The following TNRC18 variants were observed in gnomAD, a reference collection of about 807,000 sequenced individuals.
The protein encoded by TNRC18 is trinucleotide repeat-containing gene 18 protein.
A neutral mutation model predicts 226.7 loss-of-function variants in TNRC18; 69 were observed. The ratio of observed to expected loss-of-function variants is 0.30; its 90% CI spans 0.25 to 0.37. The LOEUF (loss-of-function observed/expected upper bound fraction) is 0.37, where lower values mean the gene tolerates loss of function less well. Among genes scored for constraint, TNRC18 ranks in the 10% least tolerant of loss-of-function variants. The pLI, the probability that TNRC18 is intolerant of heterozygous loss-of-function variation, is 1.00. For missense variants in TNRC18, 4,754 were observed against 4,256.6 expected (o/e 1.12, Z -3.25); for synonymous variants, 2,449 against 1,927.6 (o/e 1.27, Z -7.09).
chr7:5,395,293 G>A (rs1417947736), intron 2 of TNRC18, among the ~76,000 whole-genome samples: 3 of 152,124 alleles, frequency 2.0e-5, no homozygotes, highest in African/African-American at 4.8e-5. Flanking sequence ...CGTGGGGGCC[G>A]CTAAGGGAGC....
intron 17 of TNRC18, among the ~76,000 whole-genome samples, chr7:5,348,840 C>T (rs1791484233): frequency 6.6e-6 from 1 of 152,240 alleles, no homozygotes; most frequent in East Asian, 1.9e-4. Flanking sequence ...ATGGCTCTGT[C>T]TCCGCCCCAG....
intron 16 of TNRC18, among the ~76,000 whole-genome samples, chr7:5,354,277 C>G (rs772167174): frequency 9.9e-5 from 15 of 151,896 alleles, no homozygotes; most frequent in Non-Finnish European, 1.9e-4. Context: ...CAAGAGTGAA[C>G]ACACCAGCTC....
chr7:5,411,873 G>A (rs907073906), intron 2 of TNRC18, among the ~76,000 whole-genome samples: 1 of 151,940 alleles, frequency 6.6e-6, no homozygotes, highest in Admixed American at 6.6e-5. Context: ...TATGACAAGT[G>A]AAAAAAATGC....
Position 5,370,813 on chromosome 7 carries a change from G to T in TNRC18, c.3781C>A (p.Pro1261Thr). The T allele has an allele frequency of 1.2e-6, 2 of 1,608,422 alleles. No individual in the cohort carries two copies. Among genetic ancestry groups the T allele is most frequent in the Non-Finnish European group, 1.7e-6 (2 of 1,178,896 alleles). ...GGCACCGCCACAGGCACCTCCACCG[G>T]CTCCTCCTTGGCCTCCACCAGTGTC... ...PETLVEAKEE[P>T]VEVPVAVPVV... Residue 1261 changes from proline to threonine, a missense_variant, in exon 11 of 30, where the codon CCG (proline) becomes ACG (threonine). By Grantham distance (38) the Pro-to-Thr change is conservative. Transcript: ENST00000430969.
chr7:5,341,282 G>GA (rs1554278482), intron 18 of TNRC18, among the ~76,000 whole-genome samples: 1 of 151,546 alleles, frequency 6.6e-6, no homozygotes, highest in Non-Finnish European at 1.5e-5. Context: ...AGCCAGGCAT[G>GA]GTGGCGGGCA....
In TNRC18 at chr7:5,315,107, G is replaced by A. The variant is rs1263237503; in HGVS notation, c.6904C>T (p.Arg2302Cys). ...SPALLVPSAK[R>C]RSRKTSKDTG... ...TCTTTGCTGGTCTTCCGGCTGCGGC[G>A]CTTGGCACTTGGCACCAGAAGGGCC... Residue 2302 changes from arginine (R) to cysteine (C), a missense_variant, in exon 26 of 30, where the codon CGC becomes TGC. By Grantham distance (180) the Arg-to-Cys change is radical. Transcript: ENST00000430969. 1.6e-5 allele frequency: 26 copies of A among 1,612,912 alleles called. No individual in the cohort carries two copies. The highest frequency in any genetic ancestry group is 5.5e-5 in the South Asian group (5 of 90,932).
At chr7:5,346,819 C>A (rs1791243104) in intron 17 of TNRC18, among the ~76,000 whole-genome samples, 1 of 152,222 alleles carries the variant, frequency 6.6e-6, no homozygotes, top group Non-Finnish European at 1.5e-5. Context: ...GAATCATTTG[C>A]ATGGAGGAGA....
chr7:5,320,581 C>T lies in TNRC18; in HGVS notation c.6587G>A (p.Arg2196Gln). ...ACAGTAGATGTGGGGCCGGTTGCCC[C>T]GCTCACCCTCCACCACCACGCGGTA... ...DIYRVVVEGE[R>Q]GNRPHIYCLE... The change falls in exon 23 of 30, where the codon CGG becomes CAG. Residue 2196 changes from arginine to glutamine, a missense_variant. Transcript: ENST00000430969. 6.2e-7 allele frequency: 1 copy of T among 1,611,578 alleles called. No homozygotes were observed. Among genetic ancestry groups the T allele is most frequent in the Non-Finnish European group, 8.5e-7 (1 of 1,179,658 alleles).
intron 11 of TNRC18, among the ~76,000 whole-genome samples, chr7:5,366,543 C>A (rs1179330754): frequency 6.6e-6 from 1 of 151,964 alleles, no homozygotes; most frequent in Non-Finnish European, 1.5e-5. Flanking sequence ...AGGCTGGTCT[C>A]AAATTCCTGA....
chr7:5,370,564 C>A lies in TNRC18; in HGVS notation c.4030G>T (p.Ala1344Ser), dbSNP rs760164849. The change falls in exon 11 of 30, where the codon GCC becomes TCC. Residue 1344 changes from alanine (A) to serine (S), a missense_variant. Ala to Ser is a moderately conservative substitution (Grantham distance 99). Transcript: ENST00000430969. ...GGCAGCTCCGCAGCTGCCGCCAGGG[C>A]GTTCATGCCAGCCAGTGGGTCCTCC... ...SLEDPLAGMN[A>S]LAAAAELPQA... The A allele has an allele frequency of 6.2e-6, 10 of 1,611,494 alleles. No homozygotes were observed. The highest frequency in any genetic ancestry group is 8.5e-6 in the Non-Finnish European group (10 of 1,179,030).
intron 2 of TNRC18, among the ~76,000 whole-genome samples, chr7:5,400,513 T>C (rs1224703871): frequency 2.6e-5 from 4 of 151,970 alleles, no homozygotes; most frequent in African/African-American, 9.7e-5. Context: ...GGGAGGTTTT[T>C]AGGAAGGAGA....
rs938274193 is a variant in TNRC18, at chr7:5,394,022, T to C, written c.343+418A>G. On this transcript the variant is annotated intron_variant, in intron 3 of 29. Coordinates refer to ENST00000430969, the MANE Select transcript of TNRC18 (RefSeq NM_001080495.3). The surrounding 1 kb of genome is among the most constrained non-coding windows in gnomAD (Gnocchi z 4.5). Reference sequence around the variant, plus strand: ...CATGCCCGGCCTGCTCCTGTAATTATTAATGAGCCTACTGTGTACCAGGGA... The same window carrying C: ...CATGCCCGGCCTGCTCCTGTAATTACTAATGAGCCTACTGTGTACCAGGGA... Among the ~76,000 whole-genome samples the C allele has an allele frequency of 6.6e-6, 1 of 152,134 alleles. No individual in the cohort carries two copies. Among genetic ancestry groups the C allele is most frequent in the Admixed American group, 6.6e-5 (1 of 15,256 alleles).
intron 21 of TNRC18, among the ~76,000 whole-genome samples, chr7:5,323,102 G>A (rs1453838413): frequency 6.6e-6 from 1 of 152,184 alleles, no homozygotes; most frequent in Non-Finnish European, 1.5e-5. Flanking sequence ...CCACCCAGCA[G>A]CCCTACATGC....
At chr7:5,378,778 G>A (rs953265913) in intron 5 of TNRC18, among the ~76,000 whole-genome samples, 1 of 152,048 alleles carries the variant, frequency 6.6e-6, no homozygotes, top group Admixed American at 6.6e-5. Flanking sequence ...TGAGGACAGG[G>A]CAGAGTCCAA....
chr7:5,402,044 T>C (rs1366001153), intron 2 of TNRC18, among the ~76,000 whole-genome samples: 1 of 151,798 alleles, frequency 6.6e-6, no homozygotes, highest in Non-Finnish European at 1.5e-5. Flanking sequence ...CTGGGCGTGG[T>C]GGCGGGCCCC....
intron 5 of TNRC18, among the ~76,000 whole-genome samples, chr7:5,378,361 T>C (rs1052199190): frequency 1.8e-4 from 28 of 152,280 alleles, no homozygotes; most frequent in African/African-American, 6.7e-4. Flanking sequence ...CACATAACAA[T>C]GAAACGTGAG....
intron 22 of TNRC18, 79 bp downstream of exon 22, chr7:5,320,994 C>G: frequency 9.7e-7 from 1 of 1,027,470 alleles, no homozygotes. Flanking sequence ...AAAGGAGAAG[C>G]AGCCAGGCAC....
chr7:5,374,396 A>G lies in TNRC18; in HGVS notation c.2888T>C (p.Leu963Pro), dbSNP rs777150663. ...RGLEAAGKAG[L>P]ATAGPGLLPR... ...CAGCAGCCCGGGGCCGGCGGTGGCC[A>G]GGCCAGCCTTGCCCGCAGCCTCCAG... Residue 963 changes from leucine to proline, a missense_variant, in exon 10 of 30, where the codon CTG (leucine) becomes CCG (proline). Coordinates refer to ENST00000430969, the MANE Select transcript of TNRC18 (RefSeq NM_001080495.3). The G allele has an allele frequency of 4.6e-6, 7 of 1,522,506 alleles. No individual in the cohort carries two copies. The South Asian group carries it at 8.5e-5, about 18-fold the overall frequency. The allele number at this position is 1,522,506 out of a possible 1,614,324, so 94.3% of individuals were successfully genotyped here.
Position 5,308,892 on chromosome 7 carries a change from T to C in TNRC18, c.8683A>G (p.Arg2895Gly). The C allele has an allele frequency of 7.5e-7, 1 of 1,334,934 alleles. No homozygotes were observed. The highest frequency in any genetic ancestry group is 1.2e-5 in the South Asian group (1 of 85,494). 82.7% of individuals were successfully genotyped at this position (1,334,934 alleles called of 1,614,324 possible). A position where few individuals can be genotyped will look rare whatever the true frequency, so the allele number is the denominator to read the frequency against. ...CCACCTACCTCCATGAAGTCCTTCC[T>C]CTGGCTGGAGACCCGCAGGGCCGCC... ...LPAALRVSSQRKDFMERALYQ... is the reference protein window; with the variant it reads ...LPAALRVSSQGKDFMERALYQ... Residue 2895 changes from arginine to glycine, a missense_variant, in exon 29 of 30, where the codon AGG (arginine) becomes GGG (glycine). By Grantham distance (125) the Arg-to-Gly change is moderately radical. Coordinates refer to ENST00000430969, the MANE Select transcript of TNRC18 (RefSeq NM_001080495.3).
Sources: gnomAD v4.1 joint callset for allele counts (sites outside exome capture counted in the v4.1 genomes callset) on GRCh38, gnomAD v4.1.1 for gene constraint, Gnocchi (gnomAD v3.1) non-coding constraint, MANE v1.5 for transcripts, NCBI Gene and HGNC (gene_info 2026-07-23, HGNC 2026-07-21) for gene names.